The following PCDH11X variants were observed in gnomAD, a reference collection of about 807,000 sequenced individuals.
PCDH11X encodes the protein protocadherin 11 X-linked, also known as protocadherin-11 X-linked.
A neutral mutation model predicts 53.3 loss-of-function variants in PCDH11X; 18 were observed. The ratio of observed to expected loss-of-function variants is 0.34; its 90% CI spans 0.23 to 0.50. The LOEUF is 0.50. Among genes scored for constraint, PCDH11X ranks in the 20% least tolerant of loss-of-function variants. The pLI is 0.98. For synonymous variants in PCDH11X, 279 were observed against 393.3 expected (o/e 0.71, Z 3.44); for missense variants, 570 against 1,032.4 (o/e 0.55, Z 6.14).
intron 9 of PCDH11X, among the ~76,000 whole-genome samples, chrX:92,439,796 C>T (rs1407705013): frequency 9.6e-6 from 1 of 104,128 alleles, no homozygotes; most frequent in Non-Finnish European, 2.0e-5. Flanking sequence ...GCATTGGAGA[C>T]AGTCTAAGCA....
chrX:92,546,037 A>C (rs1038141816), intron 10 of PCDH11X, among the ~76,000 whole-genome samples: 1 of 103,078 alleles, frequency 9.7e-6, no homozygotes, highest in East Asian at 2.8e-4. Flanking sequence ...TAAACTTCGA[A>C]TATTCGATTT....
chrX:92,114,103 A>G (rs1161969953), intron 6 of PCDH11X: 1 of 1,161,420 alleles, frequency 8.6e-7, no homozygotes, highest in Non-Finnish European at 1.2e-6. Context: ...TAGTGCCATG[A>G]CCACCTTCTG....
chrX:92,058,388 T>A (rs1280145916), intron 6 of PCDH11X, among the ~76,000 whole-genome samples: 1 of 110,526 alleles, frequency 9.0e-6, no homozygotes, highest in Non-Finnish European at 1.9e-5. Flanking sequence ...CCTGCACATG[T>A]ACCTTCTGAA....
At chrX:92,264,144 G>T (rs2148416866) in intron 8 of PCDH11X, among the ~76,000 whole-genome samples, 1 of 112,220 alleles carries the variant, frequency 8.9e-6, no homozygotes, top group African/African-American at 3.2e-5. Context: ...TCTAAGCTAT[G>T]CCGGAAAGTA....
chrX:91,999,304 C>T (rs1197615428), intron 6 of PCDH11X, among the ~76,000 whole-genome samples: 4 of 111,607 alleles, frequency 3.6e-5, no homozygotes, highest in Non-Finnish European at 7.5e-5. Context: ...AATGGGTTTT[C>T]CATTTAACAG....
At chrX:91,908,338 C>T (rs1941258426) in intron 6 of PCDH11X, among the ~76,000 whole-genome samples, 1 of 111,588 alleles carries the variant, frequency 9.0e-6, no homozygotes, top group African/African-American at 3.3e-5. Flanking sequence ...AAGGGCAAAA[C>T]AAACAACGCC....
chrX:91,970,250 AG>A (rs1420839798), intron 6 of PCDH11X, among the ~76,000 whole-genome samples: 1 of 111,348 alleles, frequency 9.0e-6, no homozygotes, highest in East Asian at 2.9e-4. Context: ...ACCACGTGGA[AG>A]GGGACCTGAG....
At chrX:92,435,044 G>C (rs1190036973) in intron 9 of PCDH11X, among the ~76,000 whole-genome samples, 1 of 110,857 alleles carries the variant, frequency 9.0e-6, no homozygotes, top group Non-Finnish European at 1.9e-5. Flanking sequence ...TGAGAATATG[G>C]ATAAGAACAA....
At chrX:92,382,596 T>C (rs2070902553) in intron 8 of PCDH11X, among the ~76,000 whole-genome samples, 1 of 111,571 alleles carries the variant, frequency 9.0e-6, no homozygotes, top group African/African-American at 3.3e-5. Flanking sequence ...GTAAATGATT[T>C]ATGTGAATGA....
chrX:92,045,215 T>C (rs895866413), intron 6 of PCDH11X, among the ~76,000 whole-genome samples: 4 of 108,583 alleles, frequency 3.7e-5, no homozygotes, highest in African/African-American at 1.4e-4. Context: ...TTACACCTGG[T>C]ACCTGCCCTT....
At chrX:92,295,739 T>TTGTGTGTG (rs58402010) in intron 8 of PCDH11X, among the ~76,000 whole-genome samples, 2 of 71,550 alleles carry the variant, frequency 2.8e-5, no homozygotes, top group African/African-American at 9.8e-5. Flanking sequence ...ACAGGTGTGT[T>TTGTGTGTG]TGTGTGTGTG....
At chrX:92,247,196 A>C (rs1237357091) in intron 7 of PCDH11X, among the ~76,000 whole-genome samples, 1 of 111,893 alleles carries the variant, frequency 8.9e-6, no homozygotes, top group Non-Finnish European at 1.9e-5. Flanking sequence ...GGCTATTGCA[A>C]AATGCTTTAC....
chrX:92,385,286 G>A (rs2754877), intron 8 of PCDH11X, among the ~76,000 whole-genome samples: 36,025 of 99,023 alleles, frequency 0.36, 6,740 homozygotes, highest in Non-Finnish European at 0.45. Context: ...GGTAACATTC[G>A]GATTATGTCT....
chrX:91,906,860 GACAA>G (rs1266296969), intron 6 of PCDH11X, among the ~76,000 whole-genome samples: 2 of 110,836 alleles, frequency 1.8e-5, no homozygotes, highest in Non-Finnish European at 3.8e-5. Context: ...CATAGGTAGT[GACAA>G]ACAAAATGTT....
intron 6 of PCDH11X, among the ~76,000 whole-genome samples, chrX:92,017,830 G>A: frequency 9.8e-6 from 1 of 101,929 alleles, no homozygotes; most frequent in Non-Finnish European, 2.0e-5. Context: ...GGCACCAGTA[G>A]ATTTGCTTAA....
chrX:92,130,703 A>G (rs112461193), intron 6 of PCDH11X, among the ~76,000 whole-genome samples: 3,459 of 110,545 alleles, frequency 0.031, 150 homozygotes, highest in African/African-American at 0.11. Flanking sequence ...ATTATTAAAG[A>G]AAAAAGTAGG....
chrX:92,275,821 A>G (rs1331746826), intron 8 of PCDH11X, among the ~76,000 whole-genome samples: 3 of 110,751 alleles, frequency 2.7e-5, no homozygotes, highest in Non-Finnish European at 5.7e-5. Context: ...ATTGGTGTTG[A>G]GCGGGGTAAG....
rs561134656 is a variant in PCDH11X, at chrX:92,311,648, A to C, written c.3144+48505A>C. 4.5e-5 allele frequency among the ~76,000 whole-genome samples: 5 copies of C among 110,628 alleles called. No individual in the cohort carries two copies. In the South Asian group the frequency reaches 1.5e-3, roughly 33 times the overall value. The stretch of plus-strand genomic sequence containing the variant: ...TTCTCAAAGAATGAAATATAATTAA[A>C]TGTTTGCTTTTTTTTTTTCCACAGT... On this transcript the variant is annotated intron_variant, in intron 8 of 10. Coordinates refer to ENST00000682573, the MANE Select transcript of PCDH11X (RefSeq NM_032968.5).
chrX:91,845,625 G>A (rs1309422812), intron 5 of PCDH11X, among the ~76,000 whole-genome samples: 1 of 111,743 alleles, frequency 8.9e-6, no homozygotes, highest in Non-Finnish European at 1.9e-5. Context: ...AAATTGGAAA[G>A]TCATTGGCTG....
Sources: allele counts gnomAD v4.1 joint callset (sites outside exome capture counted in the v4.1 genomes callset), GRCh38; gene constraint gnomAD v4.1.1; transcripts MANE v1.5; gene names NCBI Gene and HGNC (gene_info 2026-07-23, HGNC 2026-07-21).